The following MPP1 variants were observed in gnomAD, a reference collection of about 807,000 sequenced individuals.
MPP1 encodes the protein 55 kDa erythrocyte membrane protein.
In MPP1, 6 loss-of-function variants were observed where a neutral mutation model predicts 38.2. The observed-to-expected ratio is 0.16, with a 90% CI of 0.09 to 0.31. MPP1 has a LOEUF of 0.31. Ranked by LOEUF, MPP1 falls within the 10% of genes least tolerant of loss-of-function variation. The probability of loss-of-function intolerance (pLI) is 1.00; values close to 1 mark genes in which losing one functional copy is unlikely to be tolerated. For synonymous variants in MPP1, 153 were observed against 146.3 expected, an observed-to-expected ratio of 1.05 and a Z score of -0.33; for missense variants, 293 against 368.9, an observed-to-expected ratio of 0.79 and a Z score of 1.69.
At chrX:154,784,271 A>G (rs2072043108) in intron 7 of MPP1, among the ~76,000 whole-genome samples, 163 bp from the exon 8 acceptor site, 1 of 110,759 alleles carries the variant, frequency 9.0e-6, no homozygotes, top group Non-Finnish European at 1.9e-5. Flanking sequence ...TTTGGACTGT[A>G]TTTTTAGTGT....
At chrX:154,800,798 T>A (rs1409389963) in intron 1 of MPP1, among the ~76,000 whole-genome samples, 1 of 112,272 alleles carries the variant, frequency 8.9e-6, no homozygotes, top group Non-Finnish European at 1.9e-5. Context: ...GCTGTGTCCC[T>A]CACATAAAGG....
At chrX:154,784,843 A>G (rs2072050412) in intron 7 of MPP1, 1 of 485,020 alleles carries the variant, frequency 2.1e-6, no homozygotes, top group African/African-American at 2.3e-5. Context: ...TGGGCTCACC[A>G]CTAGTCCTCC....
chrX:154,781,382 C>CAT (rs2071997203), intron 10 of MPP1, 69 bp from the exon 11 acceptor site: 19 of 910,720 alleles, frequency 2.1e-5, no homozygotes, highest in Non-Finnish European at 2.7e-5. Context: ...AAAAAAAAAC[C>CAT]TACATAGCTG....
chrX:154,804,444 A>T (rs1412183873), intron 1 of MPP1, among the ~76,000 whole-genome samples: 1 of 110,794 alleles, frequency 9.0e-6, no homozygotes, highest in East Asian at 2.8e-4. Flanking sequence ...CTCTCTGGAC[A>T]TTTTCCCCTT....
At chrX:154,784,716 G>T (rs901151726) in intron 7 of MPP1, 8 of 311,583 alleles carry the variant, frequency 2.6e-5, no homozygotes, top group African/African-American at 2.2e-4. Context: ...GCTAGGGAGG[G>T]TGCACGAAGC....
chrX:154,783,762 G>A (rs781844413), intron 8 of MPP1: 19 of 430,167 alleles, frequency 4.4e-5, no homozygotes, highest in East Asian at 3.0e-4. Flanking sequence ...TTTACAAAGC[G>A]TATCACTGCC....
Position 154,792,337 on chromosome X carries a change from A to G in MPP1, c.103-52T>C, listed in dbSNP as rs188525698. On this transcript the variant is annotated intron_variant, in intron 1 of 11. Coordinates refer to ENST00000369534, the MANE Select transcript of MPP1 (RefSeq NM_002436.4). ...GTATGAAATCAGGAGCAAGGCCCACAGCCAGTCCACAATCTGCAATTCTAA... is the reference window on the plus strand; with the variant it reads ...GTATGAAATCAGGAGCAAGGCCCACGGCCAGTCCACAATCTGCAATTCTAA... 2.3e-5 allele frequency: 27 copies of G among 1,152,158 alleles called. No homozygotes were observed. In the Middle Eastern group the frequency reaches 1.5e-3, roughly 62 times the overall value. The allele number at this position is 1,152,158 out of a possible 1,213,427, so 95.0% of individuals were successfully genotyped here. A position where few individuals can be genotyped will look rare whatever the true frequency, so the allele number is the denominator to read the frequency against.
At chrX:154,793,464 T>C in intron 1 of MPP1, among the ~76,000 whole-genome samples, 1 of 112,264 alleles carries the variant, frequency 8.9e-6, no homozygotes, top group Non-Finnish European at 1.9e-5. Flanking sequence ...AGGGGTAAAG[T>C]GCTCTGATAT....
chrX:154,781,496 G>A, intron 10 of MPP1, 104 bp downstream of exon 10: 1 of 950,874 alleles, frequency 1.1e-6, no homozygotes, highest in Non-Finnish European at 1.5e-6. Context: ...CCCATTAAAA[G>A]GCTGAAGCAA....
intron 6 of MPP1, 112 bp from the exon 7 acceptor site, chrX:154,785,269 T>A: frequency 1.9e-6 from 1 of 533,417 alleles, no homozygotes; most frequent in Non-Finnish European, 2.9e-6. Context: ...TCCATTACAG[T>A]GGGAGATAAT....
At chrX:154,790,854 C>T in intron 4 of MPP1, 129 bp downstream of exon 4, 1 of 539,792 alleles carries the variant, frequency 1.9e-6, no homozygotes, top group Non-Finnish European at 3.0e-6. Flanking sequence ...AGATTAAAGA[C>T]TAGCAGTGAA....
intron 8 of MPP1, 161 bp downstream of exon 8, chrX:154,783,867 G>T: frequency 4.3e-6 from 2 of 460,294 alleles, no homozygotes; most frequent in Admixed American, 3.8e-5. Flanking sequence ...GACCCAGGTG[G>T]GGTGCACGTG....
At position 154,791,785 on chromosome X, in the gene MPP1, G is replaced by T; in HGVS notation, c.309C>A (p.Gly103=). The T allele has an allele frequency of 8.3e-7, 1 of 1,210,013 alleles. No individual in the cohort carries two copies. Among genetic ancestry groups the T allele is most frequent in the Non-Finnish European group, 1.1e-6 (1 of 894,024 alleles). ...ACAGAGTACCTTGTCTATGGATCAT[G>T]CCACCATGAAGAATTCTGGCCACCG... is the stretch of plus-strand genomic sequence containing the variant. ...SCTVARILHG[G]MIHRQGSLHV... Residue 103 remains glycine, a synonymous_variant, in exon 3 of 12, where the codon GGC becomes GGA. Transcript: ENST00000369534.
chrX:154,779,041 G>A lies in MPP1; in HGVS notation c.*136C>T, dbSNP rs1189518382. On this transcript the variant is annotated 3_prime_UTR_variant, in exon 12 of 12. Coordinates refer to ENST00000369534, the MANE Select transcript of MPP1 (RefSeq NM_002436.4). ...TGAGCAAGAAGACTGAACCTTACTG[G>A]CTGAATTAGGATAGCTGCAGAGAGC... 1.2e-5 allele frequency: 7 copies of A among 598,988 alleles called. No individual in the cohort carries two copies. Among genetic ancestry groups the A allele is most frequent in the Non-Finnish European group, 1.8e-5 (7 of 398,169 alleles). 49.4% of individuals were successfully genotyped at this position (598,988 alleles called of 1,213,427 possible).
chrX:154,786,538 AAG>A (rs1398181412), intron 5 of MPP1, 138 bp from the exon 6 acceptor site: 1 of 559,674 alleles, frequency 1.8e-6, no homozygotes, highest in Admixed American at 3.2e-5. Context: ...GCACCCAAGA[AAG>A]AGAAATTGAA....
chrX:154,781,698 A>T lies in MPP1; in HGVS notation c.1051T>A (p.Phe351Ile). 2.5e-6 allele frequency: 3 copies of T among 1,210,742 alleles called. No homozygotes were observed. Among genetic ancestry groups the T allele is most frequent in the Non-Finnish European group, 3.4e-6 (3 of 895,122 alleles). Residue 351 changes from phenylalanine (F) to isoleucine (I), a missense_variant, in exon 10 of 12, where the codon TTT becomes ATT. Coordinates refer to ENST00000369534, the MANE Select transcript of MPP1 (RefSeq NM_002436.4). ...RNISANEFLE[F>I]GSYQGNMFGT... ...AACATGTTGCCTTGGTAGCTGCCAAACTCCAAGAACTCATTGGCAGAGATG... is the reference window on the plus strand; with the variant it reads ...AACATGTTGCCTTGGTAGCTGCCAATCTCCAAGAACTCATTGGCAGAGATG...
Position 154,783,513 on chromosome X carries a change from TAGAG to T in MPP1, c.866-10_866-7del. The T allele has an allele frequency of 8.4e-7, 1 of 1,194,575 alleles. No individual in the cohort carries two copies. On this transcript the variant is annotated splice_polypyrimidine_tract_variant and splice_region_variant and intron_variant, in intron 8 of 11. Coordinates refer to ENST00000369534, the MANE Select transcript of MPP1 (RefSeq NM_002436.4). ...GCGACCCACCCCACTGGCTCCTGTG[TAGAG>T]AGAGAAGAACATCTTTTGGAAAGGG...
intron 6 of MPP1, among the ~76,000 whole-genome samples, chrX:154,785,832 C>T (rs5987027): frequency 0.073 from 8,189 of 112,144 alleles, 736 homozygotes; most frequent in African/African-American, 0.25. Context: ...TACTTAAATG[C>T]GACTGTTTTC....
chrX:154,788,119 A>C (rs72616483), intron 5 of MPP1, among the ~76,000 whole-genome samples: 2 of 112,615 alleles, frequency 1.8e-5, no homozygotes, highest in East Asian at 5.5e-4. Flanking sequence ...ACACAGGAGA[A>C]TATCTTGTTG....
Sources: allele counts gnomAD v4.1 joint callset (sites outside exome capture counted in the v4.1 genomes callset), GRCh38; gene constraint gnomAD v4.1.1; transcripts MANE v1.5; gene names NCBI Gene and HGNC (gene_info 2026-07-23, HGNC 2026-07-21).